ASS1: variants seen among roughly 807,000 people sequenced by gnomAD.
ASS1 encodes the protein argininosuccinate synthase 1, also known as argininosuccinate synthase.
In ASS1, 58 loss-of-function variants were observed where a neutral mutation model predicts 60.5. The ratio of observed to expected loss-of-function variants is 0.96; its 90% CI spans 0.78 to 1.19. The LOEUF (loss-of-function observed/expected upper bound fraction) is 1.19, where lower values mean the gene tolerates loss of function less well. Ranked by LOEUF, ASS1 falls within the 50% of genes most tolerant of loss-of-function variation. The pLI is 0.00. For synonymous variants in ASS1, 200 were observed against 206.9 expected (o/e 0.97, Z 0.29); for missense variants, 454 against 547.3 (o/e 0.83, Z 1.70).
chr9:130,465,085 G>A (rs1334523847), intron 5 of ASS1, among the ~76,000 whole-genome samples: 8 of 127,446 alleles, frequency 6.3e-5, no homozygotes, highest in African/African-American at 2.4e-4. Flanking sequence ...CTGGAGACTC[G>A]CTCTGTCACC....
At chr9:130,468,389 C>T (rs1845794711) in intron 6 of ASS1, among the ~76,000 whole-genome samples, 1 of 151,122 alleles carries the variant, frequency 6.6e-6, no homozygotes, top group Non-Finnish European at 1.5e-5. Context: ...ACCACCCCAT[C>T]CTTGTCACTG....
chr9:130,465,036 A>T (rs201564595), intron 5 of ASS1, among the ~76,000 whole-genome samples: 1,264 of 122,694 alleles, frequency 0.01, 17 homozygotes, highest in African/African-American at 0.032. Flanking sequence ...CATATGTTTT[A>T]TATATATATA....
chr9:130,458,466 C>T lies in ASS1; in HGVS notation c.240C>T (p.Ser80=), dbSNP rs147910468. The T allele has an allele frequency of 4.3e-5, 69 of 1,612,290 alleles. No homozygotes were observed. The African/African-American group carries it at 5.1e-4, about 12-fold the overall frequency. Residue 80 remains serine (S), a synonymous_variant, in exon 4 of 15, where the codon AGC becomes AGT. Coordinates refer to ENST00000352480, the MANE Select transcript of ASS1 (RefSeq NM_054012.4). ...TCATCTGGCCGGCCATCCAGTCCAG[C>T]GCACTGTATGAGGACCGCTACCTCC... ...EEFIWPAIQS[S]ALYEDRYLLG... is the part of the protein sequence containing the mutation.
intron 1 of ASS1, chr9:130,445,265 G>A: frequency 1.0e-6 from 1 of 953,366 alleles, no homozygotes; most frequent in Non-Finnish European, 1.2e-6. Flanking sequence ...CGGGTCCGAA[G>A]AGCGGCTCGG....
intron 6 of ASS1, among the ~76,000 whole-genome samples, chr9:130,467,608 G>T (rs1294345262): frequency 6.6e-6 from 1 of 152,184 alleles, no homozygotes; most frequent in African/African-American, 2.4e-5. Flanking sequence ...TGGAGTGCTG[G>T]GAGGGAAGAC....
At chr9:130,484,615 C>T (rs2118853797) in intron 11 of ASS1, among the ~76,000 whole-genome samples, 1 of 152,278 alleles carries the variant, frequency 6.6e-6, no homozygotes, top group East Asian at 1.9e-4. Context: ...CACGGCAACA[C>T]AGAGGCTCAG....
chr9:130,500,232 G>A (rs185233196), intron 14 of ASS1, among the ~76,000 whole-genome samples: 18 of 152,246 alleles, frequency 1.2e-4, no homozygotes, highest in East Asian at 3.9e-4. Flanking sequence ...AAACAGGGTC[G>A]TTTGTCACCA....
rs149747724 is a variant in ASS1 at position 130,450,757 on chromosome 9, A to G, written c.-5-1467A>G. Among the ~76,000 whole-genome samples, 125 of 152,318 alleles carry G rather than the reference A, an allele frequency of 8.2e-4. 1 individual carries two copies. The highest frequency in any genetic ancestry group is 2.9e-3 in the African/African-American group (122 of 41,572). On this transcript the variant is annotated intron_variant, in intron 1 of 14. Transcript: ENST00000352480. The stretch of plus-strand genomic sequence containing the variant: ...CCTCTCCCCGAGCTTCCAGGCACAC[A>G]GAGAGTGCTCAGGATAGCGATGCCT...
intron 5 of ASS1, chr9:130,466,519 G>A (rs1490358205): frequency 3.2e-6 from 2 of 626,930 alleles, no homozygotes; most frequent in Non-Finnish European, 5.8e-6. Context: ...TGGAGTGCAG[G>A]CTCCGTCCAG....
chr9:130,497,235 G>C (rs1415497414), intron 13 of ASS1, among the ~76,000 whole-genome samples: 1 of 152,198 alleles, frequency 6.6e-6, no homozygotes, highest in Non-Finnish European at 1.5e-5. Flanking sequence ...GGGGAAAAAA[G>C]AGAGAAAAGC....
At chr9:130,480,599 T>G in intron 11 of ASS1, 150 bp downstream of exon 11, 148 of 796,938 alleles carry the variant, frequency 1.9e-4, no homozygotes, top group East Asian at 8.7e-4. Context: ...AGACCGCAGT[T>G]TCCCTCCTGC....
At chr9:130,484,437 G>A (rs1007826273) in intron 11 of ASS1, among the ~76,000 whole-genome samples, 7 of 151,222 alleles carry the variant, frequency 4.6e-5, no homozygotes, top group East Asian at 3.9e-4. Flanking sequence ...ATCCTTGCCC[G>A]TCTCCCCACT....
chr9:130,467,581 A>G (rs1028920498), intron 6 of ASS1, among the ~76,000 whole-genome samples: 8 of 152,274 alleles, frequency 5.3e-5, no homozygotes, highest in African/African-American at 1.9e-4. Context: ...CCCCGCCGCC[A>G]GCAACCCATT....
At chr9:130,450,258 C>T (rs1319665123) in intron 1 of ASS1, 1 of 988,022 alleles carries the variant, frequency 1.0e-6, no homozygotes, top group East Asian at 1.1e-4. Context: ...AGCTGAGTAG[C>T]TCTGCTTTTG....
chr9:130,484,832 T>TGCGC (rs1218069579), intron 11 of ASS1, among the ~76,000 whole-genome samples: 1 of 141,994 alleles, frequency 7.0e-6, no homozygotes, highest in Non-Finnish European at 1.5e-5. Context: ...CACACACACG[T>TGCGC]GCGCGCGCGC....
chr9:130,479,108 A>C (rs548262), intron 9 of ASS1, among the ~76,000 whole-genome samples: 138,126 of 150,842 alleles, frequency 0.92, 64,287 homozygotes, highest in East Asian at 1. Flanking sequence ...CACTGCCCCC[A>C]CCCAACCCCT....
At chr9:130,446,262 G>A (rs1845192982) in intron 1 of ASS1, among the ~76,000 whole-genome samples, 1 of 152,182 alleles carries the variant, frequency 6.6e-6, no homozygotes, top group Admixed American at 6.5e-5. Context: ...TGCTGGGCCT[G>A]GGTCCAATTG....
chr9:130,452,126 C>A, intron 1 of ASS1, 98 bp from the exon 2 acceptor site: 2 of 1,022,256 alleles, frequency 2.0e-6, no homozygotes, highest in Non-Finnish European at 3.0e-6. Context: ...GGAGACAAGG[C>A]TGTCCAAGGC....
intron 1 of ASS1, among the ~76,000 whole-genome samples, chr9:130,449,498 C>A (rs982579513): frequency 2.8e-4 from 43 of 152,094 alleles, no homozygotes; most frequent in Non-Finnish European, 1.6e-4. Context: ...TGGGAGGAGG[C>A]AGGAGCAGGG....
Sources: allele counts gnomAD v4.1 joint callset (sites outside exome capture counted in the v4.1 genomes callset), GRCh38; gene constraint gnomAD v4.1.1; transcripts MANE v1.5; gene names NCBI Gene and HGNC (gene_info 2026-07-23, HGNC 2026-07-21).